The following CNTNAP5 variants were observed in gnomAD, a reference collection of about 807,000 sequenced individuals.
CNTNAP5 encodes the protein contactin-associated protein-like 5.
CNTNAP5 carries 72 observed loss-of-function variants against 150.2 expected under a neutral mutation model. The observed-to-expected ratio is 0.48, with a 90% CI of 0.40 to 0.58. CNTNAP5 has a LOEUF of 0.58. Ranked by LOEUF, CNTNAP5 falls within the 20% of genes least tolerant of loss-of-function variation. CNTNAP5 has a pLI of 0.00. For missense variants in CNTNAP5, 1,636 were observed against 1,626.2 expected, an observed-to-expected ratio of 1.01 and a Z score of -0.10; for synonymous variants, 672 against 619.8, an observed-to-expected ratio of 1.08 and a Z score of -1.25.
chr2:124,447,075 G>A, intron 6 of CNTNAP5, 138 bp downstream of exon 6: 1 of 773,834 alleles, frequency 1.3e-6, no homozygotes, highest in Non-Finnish European at 2.1e-6. Flanking sequence ...CTCCATCTAT[G>A]CCAGATAGTC....
chr2:124,241,931 A>T (rs1686896991), intron 2 of CNTNAP5, among the ~76,000 whole-genome samples: 1 of 152,158 alleles, frequency 6.6e-6, no homozygotes, highest in African/African-American at 2.4e-5. Flanking sequence ...GGAGTTTGTA[A>T]GATAGAAGTC....
intron 13 of CNTNAP5, among the ~76,000 whole-genome samples, chr2:124,728,081 T>G (rs1413770098): frequency 6.6e-6 from 1 of 152,140 alleles, no homozygotes; most frequent in Non-Finnish European, 1.5e-5. Context: ...TTCATTCTTA[T>G]TCTGCTAATG....
chr2:124,470,234 C>G (rs1007769597), intron 6 of CNTNAP5, among the ~76,000 whole-genome samples: 1 of 152,058 alleles, frequency 6.6e-6, no homozygotes, highest in African/African-American at 2.4e-5. Flanking sequence ...ATGTCAGTAT[C>G]TGTTGTTGAC....
At chr2:124,047,694 T>C (rs1210367106) in intron 1 of CNTNAP5, among the ~76,000 whole-genome samples, 2 of 152,224 alleles carry the variant, frequency 1.3e-5, no homozygotes, top group Admixed American at 6.5e-5. Context: ...CATGAAAAAG[T>C]GCAGTCAGTG....
chr2:124,027,362 G>A (rs1462105931), intron 1 of CNTNAP5, among the ~76,000 whole-genome samples: 2 of 152,206 alleles, frequency 1.3e-5, no homozygotes, highest in East Asian at 1.9e-4. Context: ...CAGCAAGCTA[G>A]CTGTGTTTTC....
At chr2:124,367,564 C>G (rs2104722794) in intron 3 of CNTNAP5, among the ~76,000 whole-genome samples, 3 of 152,246 alleles carry the variant, frequency 2.0e-5, no homozygotes, top group Middle Eastern at 3.4e-3. Flanking sequence ...GGGACACAGC[C>G]AAACCATATC....
chr2:124,685,781 C>A (rs1679182463), intron 13 of CNTNAP5, among the ~76,000 whole-genome samples: 1 of 151,254 alleles, frequency 6.6e-6, no homozygotes, highest in Non-Finnish European at 1.5e-5. Flanking sequence ...TGTTATTGAG[C>A]ATTCCTGTGA....
intron 1 of CNTNAP5, among the ~76,000 whole-genome samples, chr2:124,203,726 C>T (rs760511162): frequency 1.3e-4 from 20 of 152,192 alleles, no homozygotes; most frequent in African/African-American, 4.1e-4. Context: ...ATGAGCTTTA[C>T]GTTGGCCCTT....
At position 124,865,093 on chromosome 2, in the gene CNTNAP5, T is replaced by A. The variant is rs142245910; in HGVS notation, c.3218-213T>A. Among the ~76,000 whole-genome samples the A allele has an allele frequency of 2.9e-3, 429 of 148,016 alleles. 2 individuals carry two copies. Among genetic ancestry groups the A allele is most frequent in the East Asian group, 0.016 (79 of 5,006 alleles). Reference sequence around the variant, plus strand: ...GATAACACCACACACACACACACACTCTCTCTCTCTCTCTCTGTCTCTCTA... The same window carrying A: ...GATAACACCACACACACACACACACACTCTCTCTCTCTCTCTGTCTCTCTA... On this transcript the variant is annotated intron_variant, in intron 19 of 23. Transcript: ENST00000682447.
At chr2:124,065,750 C>T (rs1225559257) in intron 1 of CNTNAP5, among the ~76,000 whole-genome samples, 1 of 152,138 alleles carries the variant, frequency 6.6e-6, no homozygotes, top group Non-Finnish European at 1.5e-5. Context: ...AATGTAGCCA[C>T]CTCCTCTCAT....
At chr2:124,611,223 C>T (rs1241162208) in intron 12 of CNTNAP5, among the ~76,000 whole-genome samples, 1 of 152,146 alleles carries the variant, frequency 6.6e-6, no homozygotes, top group Non-Finnish European at 1.5e-5. Context: ...AAAAGTAAGA[C>T]ACAGTGGCTG....
chr2:124,565,799 C>A (rs1696010330), intron 11 of CNTNAP5, among the ~76,000 whole-genome samples: 3 of 151,904 alleles, frequency 2.0e-5, no homozygotes, highest in African/African-American at 7.2e-5. Context: ...CGGGGTTTCA[C>A]CGTGTTAGCC....
rs536683996 is a variant in CNTNAP5, at chr2:124,764,092, C to A, written c.2478C>A (p.Ser826=). Residue 826 remains serine, a synonymous_variant, in exon 16 of 24, where the codon TCC becomes TCA. Transcript: ENST00000682447. ...TCTTTTTTAAAACCACAGCATTATC[C>A]GGAGTTTTCCTAGAAAATCTTGGCA... ...ISFFFKTTAL[S]GVFLENLGIK... 2 of 1,613,110 alleles carry A rather than the reference C, an allele frequency of 1.2e-6. No individual in the cohort carries two copies. Among genetic ancestry groups the A allele is most frequent in the Middle Eastern group, 1.7e-4 (1 of 6,054 alleles).
At chr2:124,481,838 G>C (rs1693767666) in intron 7 of CNTNAP5, among the ~76,000 whole-genome samples, 1 of 152,038 alleles carries the variant, frequency 6.6e-6, no homozygotes, top group Non-Finnish European at 1.5e-5. Context: ...TTACAACCAT[G>C]GTGCAAAAAT....
chr2:124,279,350 A>G (rs969683219), intron 3 of CNTNAP5, among the ~76,000 whole-genome samples: 3 of 151,926 alleles, frequency 2.0e-5, no homozygotes, highest in African/African-American at 4.8e-5. Flanking sequence ...TTGACAAGGG[A>G]GTGACATAAT....
At chr2:124,061,932 G>A (rs930087080) in intron 1 of CNTNAP5, among the ~76,000 whole-genome samples, 6 of 152,070 alleles carry the variant, frequency 3.9e-5, no homozygotes, top group African/African-American at 1.4e-4. Flanking sequence ...CCAATGAGCA[G>A]GAATCTGGCT....
In CNTNAP5 at chr2:124,785,698, G is replaced by A. The variant is rs572910336; in HGVS notation, c.2753-4204G>A. 3.3e-5 allele frequency among the ~76,000 whole-genome samples: 5 copies of A among 152,352 alleles called. No homozygotes were observed. In the South Asian group the frequency reaches 6.2e-4, roughly 19 times the overall value. On this transcript the variant is annotated intron_variant, in intron 17 of 23. Transcript: ENST00000682447. ...TGGGAGAAAGAAGCTGGTGGGGTAA[G>A]GGGAGGCCAGATCTCCCTTGCTGTG... is the stretch of plus-strand genomic sequence containing the variant.
chr2:124,042,524 G>A (rs906233209), intron 1 of CNTNAP5, among the ~76,000 whole-genome samples: 1 of 152,128 alleles, frequency 6.6e-6, no homozygotes, highest in East Asian at 1.9e-4. Flanking sequence ...AAGAGGGACT[G>A]AGGGTACATA....
intron 2 of CNTNAP5, among the ~76,000 whole-genome samples, chr2:124,239,596 G>A (rs1249479104): frequency 6.6e-6 from 1 of 151,892 alleles, no homozygotes; most frequent in Non-Finnish European, 1.5e-5. Flanking sequence ...AATCAGAAGA[G>A]TATAAAATCA....
Sources: allele counts gnomAD v4.1 joint callset (sites outside exome capture counted in the v4.1 genomes callset), GRCh38; gene constraint gnomAD v4.1.1; transcripts MANE v1.5; gene names NCBI Gene and HGNC (gene_info 2026-07-23, HGNC 2026-07-21).